The following GPC5 variants were observed in gnomAD, a reference collection of about 807,000 sequenced individuals.
GPC5 encodes glypican-5.
Under a neutral mutation model 53.9 loss-of-function variants are expected in GPC5, and 47 were observed. The ratio of observed to expected loss-of-function variants is 0.87; its 90% confidence interval spans 0.69 to 1.11. The LOEUF is 1.11. Among genes scored for constraint, GPC5 ranks in the 50% most tolerant of loss-of-function variants. GPC5 has a pLI of 0.00. For synonymous variants in GPC5, 286 were observed against 263.3 expected (o/e 1.09, Z -0.84); for missense variants, 748 against 713.1 (o/e 1.05, Z -0.56).
intron 1 of GPC5, among the ~76,000 whole-genome samples, chr13:91,401,037 A>G (rs539876580): frequency 4.3e-4 from 65 of 152,328 alleles, no homozygotes; most frequent in Non-Finnish European, 6.9e-4. Context: ...GTGATGGAGG[A>G]ATCACGGGAG....
At chr13:92,519,239 G>T (rs1450664127) in intron 7 of GPC5, among the ~76,000 whole-genome samples, 14 of 152,104 alleles carry the variant, frequency 9.2e-5, no homozygotes. Flanking sequence ...AGTTAATAAG[G>T]ATATCCAGGA....
intron 7 of GPC5, among the ~76,000 whole-genome samples, chr13:92,178,497 C>CTA (rs557758218): frequency 4.3e-4 from 64 of 150,052 alleles, no homozygotes; most frequent in Non-Finnish European, 7.5e-4. Context: ...CCTCAAGTTA[C>CTA]TATATATATA....
chr13:92,353,262 G>A (rs1195684317), intron 7 of GPC5, among the ~76,000 whole-genome samples: 3 of 49,946 alleles, frequency 6.0e-5, no homozygotes, highest in East Asian at 5.8e-4. Flanking sequence ...GCGAGACTCC[G>A]TCTCAAAAAA....
At chr13:92,301,272 A>G (rs773445453) in intron 7 of GPC5, among the ~76,000 whole-genome samples, 27 of 152,318 alleles carry the variant, frequency 1.8e-4, no homozygotes, top group Non-Finnish European at 3.2e-4. Context: ...TAGTGGGCTA[A>G]CATTCTTGAA....
chr13:91,417,972 C>T (rs1878352890), intron 1 of GPC5, among the ~76,000 whole-genome samples: 1 of 152,070 alleles, frequency 6.6e-6, no homozygotes, highest in South Asian at 2.1e-4. Context: ...GGGAAAGTTC[C>T]AGACAAAAAC....
At chr13:91,839,714 G>A (rs1594608862) in intron 5 of GPC5, among the ~76,000 whole-genome samples, 1 of 151,886 alleles carries the variant, frequency 6.6e-6, no homozygotes, top group East Asian at 1.9e-4. Flanking sequence ...TGTTGGCCTG[G>A]GGCTGAAATA....
intron 2 of GPC5, among the ~76,000 whole-genome samples, chr13:91,518,893 A>G (rs1358158922): frequency 3.9e-5 from 6 of 152,274 alleles, no homozygotes; most frequent in Non-Finnish European, 5.9e-5. Flanking sequence ...GTCAGGCTAA[A>G]CAATGAGCAA....
chr13:91,432,023 G>C (rs1879488563), intron 1 of GPC5, among the ~76,000 whole-genome samples: 1 of 152,128 alleles, frequency 6.6e-6, no homozygotes, highest in Non-Finnish European at 1.5e-5. Flanking sequence ...TGTGCCATGT[G>C]GGTATGGTTT....
At chr13:92,828,506 C>T (rs150969953) in intron 7 of GPC5, among the ~76,000 whole-genome samples, 2 of 152,072 alleles carry the variant, frequency 1.3e-5, no homozygotes, top group Non-Finnish European at 2.9e-5. Context: ...GGCTATATTT[C>T]GCACTTGTTC....
intron 7 of GPC5, among the ~76,000 whole-genome samples, chr13:92,277,484 A>G (rs1159317020): frequency 5.9e-5 from 9 of 152,078 alleles, no homozygotes; most frequent in Non-Finnish European, 1.0e-4. Flanking sequence ...GGAAGGTAAT[A>G]TTATACATCA....
rs188066787 is a variant in GPC5 at position 92,840,251 on chromosome 13, T to C, written c.1562-26031T>C. 3.3e-3 allele frequency among the ~76,000 whole-genome samples: 502 copies of C among 151,848 alleles called. 2 individuals carry two copies. Among genetic ancestry groups the C allele is most frequent in the Non-Finnish European group, 5.0e-3 (341 of 67,900 alleles). ...TTTAAGGTTAAATAATATTCCATTG[T>C]ATGTATATGTCACATTTGCTTTGTC... On this transcript the variant is annotated intron_variant, in intron 7 of 7. Coordinates refer to ENST00000377067, the MANE Select transcript of GPC5 (RefSeq NM_004466.6).
chr13:92,116,360 G>A (rs1251304637), intron 6 of GPC5, among the ~76,000 whole-genome samples: 1 of 152,148 alleles, frequency 6.6e-6, no homozygotes, highest in East Asian at 1.9e-4. Context: ...CAAGGAAAGA[G>A]GCCTCAGAAT....
At chr13:92,119,180 G>C (rs1490034977) in intron 6 of GPC5, among the ~76,000 whole-genome samples, 1 of 152,022 alleles carries the variant, frequency 6.6e-6, no homozygotes, top group Non-Finnish European at 1.5e-5. Flanking sequence ...TTTGTGCAGG[G>C]GAACTCCCCT....
chr13:92,202,919 C>T (rs567887556), intron 7 of GPC5, among the ~76,000 whole-genome samples: 1 of 152,060 alleles, frequency 6.6e-6, no homozygotes, highest in Non-Finnish European at 1.5e-5. Flanking sequence ...TTCAAGAGAA[C>T]TTATGCTCCT....
At chr13:92,106,663 A>G (rs918796522) in intron 6 of GPC5, among the ~76,000 whole-genome samples, 3 of 152,106 alleles carry the variant, frequency 2.0e-5, no homozygotes, top group Non-Finnish European at 4.4e-5. Flanking sequence ...AAAAGGTACC[A>G]TCTTCTGCAA....
intron 3 of GPC5, among the ~76,000 whole-genome samples, chr13:91,725,890 C>G (rs2036566277): frequency 6.6e-6 from 1 of 152,112 alleles, no homozygotes; most frequent in African/African-American, 2.4e-5. Flanking sequence ...GCCTCAAACC[C>G]TATGACAAGG....
intron 5 of GPC5, among the ~76,000 whole-genome samples, chr13:91,867,563 G>C (rs534832471): frequency 6.6e-6 from 1 of 152,296 alleles, no homozygotes; most frequent in African/African-American, 2.4e-5. Flanking sequence ...GTTATCTAAA[G>C]TGTAAAGTGT....
At chr13:91,926,359 T>TAAA (rs34690525) in intron 6 of GPC5, among the ~76,000 whole-genome samples, 3,336 of 96,254 alleles carry the variant, frequency 0.035, 69 homozygotes, top group Middle Eastern at 0.051. Flanking sequence ...AGACTCCACC[T>TAAA]AAAAAAAAAA....
intron 5 of GPC5, among the ~76,000 whole-genome samples, chr13:91,818,764 C>T (rs1437567461): frequency 6.6e-6 from 1 of 152,056 alleles, no homozygotes; most frequent in East Asian, 1.9e-4. Context: ...ACATGCAAAA[C>T]CGTAACAAGA....
Sources: gnomAD v4.1 joint callset for allele counts (sites outside exome capture counted in the v4.1 genomes callset) on GRCh38, gnomAD v4.1.1 for gene constraint, MANE v1.5 for transcripts, NCBI Gene and HGNC (gene_info 2026-07-23, HGNC 2026-07-21) for gene names.